Variants in SUMF1 observed in about 807,000 individuals in gnomAD.
SUMF1 encodes sulfatase modifying factor 1, also known as formylglycine-generating enzyme.
Under a neutral mutation model 47.6 loss-of-function variants are expected in SUMF1, and 48 were observed. The ratio of observed to expected loss-of-function variants is 1.01; its 90% CI spans 0.80 to 1.28. SUMF1 has a LOEUF of 1.28. SUMF1 is among the 50% of genes most tolerant of loss of function. SUMF1 has a pLI of 0.00. For synonymous variants in SUMF1, 230 were observed against 192.1 expected, an observed-to-expected ratio of 1.20 and a Z score of -1.63; for missense variants, 571 against 485.4, an observed-to-expected ratio of 1.18 and a Z score of -1.66.
chr3:4,342,361 C>G (rs184420518), intron 8 of SUMF1, among the ~76,000 whole-genome samples: 161 of 152,222 alleles, frequency 1.1e-3, no homozygotes, highest in South Asian at 2.3e-3. Context: ...GGTGAAACCC[C>G]ATCTCTACTA....
intron 8 of SUMF1, among the ~76,000 whole-genome samples, chr3:4,075,613 C>T (rs989769607): frequency 1.1e-4 from 17 of 152,118 alleles, no homozygotes; most frequent in Non-Finnish European, 4.4e-5. Flanking sequence ...CCCAAAATCT[C>T]CGTAAGCTGA....
At chr3:4,429,173 A>C (rs147840466) in intron 3 of SUMF1, among the ~76,000 whole-genome samples, 1 of 152,380 alleles carries the variant, frequency 6.6e-6, no homozygotes, top group Admixed American at 6.5e-5. Context: ...GTAACCTGAG[A>C]GCGTGTCTTT....
chr3:4,329,833 T>C (rs1699015773), intron 8 of SUMF1, among the ~76,000 whole-genome samples: 2 of 152,174 alleles, frequency 1.3e-5, no homozygotes, highest in Admixed American at 1.3e-4. Context: ...GCTTTCCTTC[T>C]AAACATAGTT....
chr3:4,065,372 T>C (rs1695352515), intron 9 of SUMF1, among the ~76,000 whole-genome samples: 1 of 151,758 alleles, frequency 6.6e-6, no homozygotes, highest in Non-Finnish European at 1.5e-5. Flanking sequence ...ATGTACAAAG[T>C]TTTTAATTCA....
chr3:4,408,754 T>C (rs987482439), intron 7 of SUMF1, among the ~76,000 whole-genome samples: 2 of 152,154 alleles, frequency 1.3e-5, no homozygotes, highest in East Asian at 3.9e-4. Flanking sequence ...GTAGATCACC[T>C]GAGGTCAGGT....
chr3:4,048,191 T>C (rs987081991), intron 9 of SUMF1, among the ~76,000 whole-genome samples: 4 of 152,174 alleles, frequency 2.6e-5, no homozygotes, highest in Non-Finnish European at 5.9e-5. Flanking sequence ...ATGCTACTTT[T>C]TTTCACAAAA....
intron 9 of SUMF1, among the ~76,000 whole-genome samples, chr3:4,050,704 C>G (rs1365213758): frequency 4.3e-5 from 6 of 140,554 alleles, no homozygotes; most frequent in African/African-American, 1.6e-4. Context: ...GATCATGCCA[C>G]TGCACTCCAC....
intron 8 of SUMF1, among the ~76,000 whole-genome samples, chr3:4,192,918 G>C (rs2587954): frequency 0.34 from 51,872 of 151,964 alleles, 8,974 homozygotes; most frequent in East Asian, 0.39. Flanking sequence ...CAAAAGGAGA[G>C]TCTGACATGT....
At chr3:4,355,666 G>T (rs1164981323) in intron 8 of SUMF1, among the ~76,000 whole-genome samples, 1 of 152,198 alleles carries the variant, frequency 6.6e-6, no homozygotes, top group Non-Finnish European at 1.5e-5. Context: ...AAGCTAATAT[G>T]CTAGAAAAGA....
rs546418689 is a variant in SUMF1, at chr3:4,263,884, T to C, written c.1014+112446A>G. Among the ~76,000 whole-genome samples, 24 of 152,270 alleles carry C rather than the reference T, an allele frequency of 1.6e-4. No individual in the cohort carries two copies. In the South Asian group the frequency reaches 4.2e-3, roughly 26 times the overall value. The stretch of plus-strand genomic sequence containing the variant: ...ACCCTGACGATTGCAATTGAGTTGC[T>C]TATTTTATTTTATTTATTGTTTCAT... On this transcript the variant is annotated intron_variant and NMD_transcript_variant, in intron 8 of 12. Transcript: ENST00000448413.
chr3:4,294,045 A>T (rs561678747), intron 8 of SUMF1, among the ~76,000 whole-genome samples: 1 of 152,154 alleles, frequency 6.6e-6, no homozygotes, highest in Non-Finnish European at 1.5e-5. Context: ...TACATTTTTT[A>T]AAATACCTAA....
At chr3:4,110,173 G>A (rs528329800) in intron 8 of SUMF1, among the ~76,000 whole-genome samples, 1 of 152,234 alleles carries the variant, frequency 6.6e-6, no homozygotes, top group African/African-American at 2.4e-5. Flanking sequence ...GGTTGCTGGA[G>A]TTTGCTGGAG....
chr3:4,081,684 T>C (rs1281787239), intron 8 of SUMF1, among the ~76,000 whole-genome samples: 1 of 152,146 alleles, frequency 6.6e-6, no homozygotes, highest in Non-Finnish European at 1.5e-5. Flanking sequence ...ATAACACCTC[T>C]GTCATAGGGT....
intron 8 of SUMF1, among the ~76,000 whole-genome samples, chr3:4,254,847 T>C (rs1301740034): frequency 2.3e-4 from 35 of 151,916 alleles, no homozygotes; most frequent in African/African-American, 7.5e-4. Flanking sequence ...GGAAAAAATA[T>C]TAAGGGCAGC....
chr3:4,291,268 C>A (rs781108656), intron 8 of SUMF1, among the ~76,000 whole-genome samples: 1 of 151,990 alleles, frequency 6.6e-6, no homozygotes, highest in Non-Finnish European at 1.5e-5. Context: ...TAACAATAGG[C>A]CAGATCATTA....
At chr3:4,064,240 A>C (rs905800935) in intron 9 of SUMF1, among the ~76,000 whole-genome samples, 1 of 114,362 alleles carries the variant, frequency 8.7e-6, no homozygotes, top group African/African-American at 2.6e-5. Flanking sequence ...ACCAAAACTC[A>C]CCAAAACCAA....
At chr3:4,459,691 C>A (rs146385133) in intron 1 of SUMF1, among the ~76,000 whole-genome samples, 1 of 152,300 alleles carries the variant, frequency 6.6e-6, no homozygotes, top group African/African-American at 2.4e-5. Flanking sequence ...ATTACACAGG[C>A]CACCTAGTCT....
chr3:4,448,459 C>G (rs923997378), intron 3 of SUMF1, among the ~76,000 whole-genome samples: 1 of 152,134 alleles, frequency 6.6e-6, no homozygotes, highest in African/African-American at 2.4e-5. Flanking sequence ...GGCAGACCCC[C>G]GTTTCCTTCC....
intron 8 of SUMF1, among the ~76,000 whole-genome samples, chr3:4,091,767 G>A (rs994465414): frequency 1.3e-5 from 2 of 152,018 alleles, no homozygotes; most frequent in African/African-American, 2.4e-5. Context: ...TTATGTAAGA[G>A]GCCCTTGCAT....
Sources: allele counts gnomAD v4.1 joint callset (sites outside exome capture counted in the v4.1 genomes callset), GRCh38; gene constraint gnomAD v4.1.1; transcripts MANE v1.5; gene names NCBI Gene and HGNC (gene_info 2026-07-23, HGNC 2026-07-21).